Variants in EPB41L5 observed in about 807,000 individuals in gnomAD.
EPB41L5 encodes erythrocyte membrane protein band 4.1 like 5, also known as band 4.1-like protein 5.
In EPB41L5, 55 loss-of-function variants were observed where a neutral mutation model predicts 106.6. That is an observed-to-expected ratio of 0.52 (90% CI 0.42 to 0.65). EPB41L5 has a LOEUF of 0.65. Among genes scored for constraint, EPB41L5 ranks in the 30% least tolerant of loss-of-function variants. The pLI is 0.00. For missense variants in EPB41L5, 871 were observed against 882.1 expected, an observed-to-expected ratio of 0.99 and a Z score of 0.16; for synonymous variants, 297 against 306.7, an observed-to-expected ratio of 0.97 and a Z score of 0.33.
intron 3 of EPB41L5, among the ~76,000 whole-genome samples, chr2:120,061,308 C>T (rs1405377444): frequency 3.4e-4 from 50 of 148,098 alleles, no homozygotes; most frequent in Non-Finnish European, 5.9e-4. Context: ...CTGCAAGCTC[C>T]GCCTCCCGGG....
Position 120,127,760 on chromosome 2 carries a change from A to G in EPB41L5, c.1410A>G (p.Ala470=), listed in dbSNP as rs761034215. Residue 470 remains alanine (A), a synonymous_variant, in exon 17 of 25, where the codon GCA becomes GCG. Transcript: ENST00000263713. ...CAACGATTGGTGATGTAATTGGGGC[A>G]TCTGACACTATGGAAACATCCCAAG... ...LEATIGDVIG[A]SDTMETSQAL... The G allele has an allele frequency of 1.2e-5, 19 of 1,613,806 alleles. No individual in the cohort carries two copies. Among genetic ancestry groups the G allele is most frequent in the African/African-American group, 2.7e-5 (2 of 74,942 alleles).
intron 2 of EPB41L5, among the ~76,000 whole-genome samples, chr2:120,022,645 A>G (rs762922356): frequency 1.3e-5 from 2 of 152,156 alleles, no homozygotes; most frequent in Admixed American, 6.5e-5. Flanking sequence ...GTAATCATAC[A>G]TGTGCATGTG....
intron 7 of EPB41L5, among the ~76,000 whole-genome samples, chr2:120,076,638 T>C (rs1682265485): frequency 6.6e-6 from 1 of 152,070 alleles, no homozygotes. Flanking sequence ...AATTGTCTTT[T>C]AACGATTGCT....
At chr2:120,108,006 G>A (rs979776837) in intron 16 of EPB41L5, among the ~76,000 whole-genome samples, 10 of 152,088 alleles carry the variant, frequency 6.6e-5, no homozygotes, top group Non-Finnish European at 5.9e-5. Context: ...AAAAGAAATT[G>A]GTGAAAGGAA....
chr2:120,054,761 G>A (rs945913930), intron 3 of EPB41L5, among the ~76,000 whole-genome samples: 1 of 151,926 alleles, frequency 6.6e-6, no homozygotes, highest in African/African-American at 2.4e-5. Flanking sequence ...TGACTTGAAG[G>A]GTCTTGTTGC....
intron 1 of EPB41L5, among the ~76,000 whole-genome samples, chr2:120,016,099 G>T (rs1178954754): frequency 6.6e-6 from 1 of 151,954 alleles, no homozygotes; most frequent in African/African-American, 2.4e-5. Context: ...TATCCTTCCA[G>T]AAATAGAACT....
intron 2 of EPB41L5, among the ~76,000 whole-genome samples, chr2:120,029,110 G>C (rs970703453): frequency 1.3e-5 from 2 of 152,152 alleles, no homozygotes; most frequent in Non-Finnish European, 2.9e-5. Context: ...GGTTAGGGCA[G>C]ATCTGAGTTT....
chr2:120,136,023 A>G (rs1394795538), intron 18 of EPB41L5, among the ~76,000 whole-genome samples: 1 of 151,840 alleles, frequency 6.6e-6, no homozygotes, highest in African/African-American at 2.4e-5. Flanking sequence ...AAATGTAACT[A>G]CAACAACTTT....
chr2:120,100,510 A>G (rs973285973), intron 15 of EPB41L5, among the ~76,000 whole-genome samples, 189 bp from the exon 16 acceptor site: 1 of 152,188 alleles, frequency 6.6e-6, no homozygotes, highest in Non-Finnish European at 1.5e-5. Context: ...GTCTCTGTGA[A>G]TCCAAGAACA....
At chr2:120,073,783 A>G (rs539587649) in intron 4 of EPB41L5, among the ~76,000 whole-genome samples, 1 of 152,302 alleles carries the variant, frequency 6.6e-6, no homozygotes, top group African/African-American at 2.4e-5. Flanking sequence ...TGAGCAGTTA[A>G]TAACATAGGC....
chr2:120,020,387 T>C (rs922936991), intron 2 of EPB41L5, among the ~76,000 whole-genome samples: 8 of 152,226 alleles, frequency 5.3e-5, no homozygotes, highest in Non-Finnish European at 8.8e-5. Flanking sequence ...GTATTAGATA[T>C]GTACATTATA....
chr2:120,065,283 T>G (rs1681368209), intron 3 of EPB41L5, among the ~76,000 whole-genome samples: 1 of 151,910 alleles, frequency 6.6e-6, no homozygotes, highest in Non-Finnish European at 1.5e-5. Flanking sequence ...GCTCAGCTAA[T>G]TAAAAAAAAA....
intron 20 of EPB41L5, among the ~76,000 whole-genome samples, chr2:120,156,733 GAACT>G (rs1372729673): frequency 5.3e-5 from 8 of 152,140 alleles, no homozygotes; most frequent in African/African-American, 1.9e-4. Flanking sequence ...TCAACAAGAA[GAACT>G]AACTATCCTA....
intron 10 of EPB41L5, among the ~76,000 whole-genome samples, chr2:120,086,055 G>C (rs1255905696): frequency 6.6e-6 from 1 of 152,076 alleles, no homozygotes; most frequent in Admixed American, 6.6e-5. Context: ...GATTAGCCAG[G>C]CATAGCATGG....
intron 3 of EPB41L5, among the ~76,000 whole-genome samples, chr2:120,069,941 G>A (rs1297617788): frequency 1.3e-5 from 2 of 152,088 alleles, no homozygotes; most frequent in Non-Finnish European, 2.9e-5. Flanking sequence ...TCAAAAGCTA[G>A]CAGAAGAAAT....
At chr2:120,051,240 C>T (rs1372235131) in intron 3 of EPB41L5, among the ~76,000 whole-genome samples, 3 of 152,180 alleles carry the variant, frequency 2.0e-5, no homozygotes. Flanking sequence ...TCGGCTATGC[C>T]CTGCCCCCAG....
At chr2:120,123,106 G>A (rs1286770599) in intron 16 of EPB41L5, among the ~76,000 whole-genome samples, 1 of 152,056 alleles carries the variant, frequency 6.6e-6, no homozygotes, top group East Asian at 1.9e-4. Flanking sequence ...ATTGTTGGTT[G>A]CACAGATATT....
chr2:120,027,988 G>A (rs1177732314), intron 2 of EPB41L5, among the ~76,000 whole-genome samples: 1 of 151,626 alleles, frequency 6.6e-6, no homozygotes, highest in Non-Finnish European at 1.5e-5. Flanking sequence ...TCAGTCTTCC[G>A]AGTCACTGGG....
chr2:120,168,120 T>C (rs1687499677), intron 24 of EPB41L5, 113 bp downstream of exon 24: 14 of 1,220,168 alleles, frequency 1.1e-5, no homozygotes, highest in South Asian at 8.5e-5. Flanking sequence ...CTGAACTATA[T>C]TGAAATGGGG....
Sources: gnomAD v4.1 joint callset for allele counts (sites outside exome capture counted in the v4.1 genomes callset) on GRCh38, gnomAD v4.1.1 for gene constraint, MANE v1.5 for transcripts, NCBI Gene and HGNC (gene_info 2026-07-23, HGNC 2026-07-21) for gene names.